Variants in STK3 observed in about 807,000 individuals in gnomAD.
STK3 encodes the protein serine/threonine-protein kinase 3.
In STK3, 41 loss-of-function variants were observed where a neutral mutation model predicts 58.0. The ratio of observed to expected loss-of-function variants is 0.71; its 90% confidence interval spans 0.55 to 0.92. STK3 has a LOEUF of 0.92. Among genes scored for constraint, STK3 ranks in the 40% least tolerant of loss-of-function variants. STK3 has a pLI of 0.00. For synonymous variants in STK3, 170 were observed against 191.0 expected (o/e 0.89, Z 0.91); for missense variants, 479 against 602.7 (o/e 0.79, Z 2.15).
chr8:98,417,700 A>T (rs555461950), intron 3 of STK3, among the ~76,000 whole-genome samples: 5 of 151,964 alleles, frequency 3.3e-5, no homozygotes, highest in African/African-American at 1.2e-4. Flanking sequence ...TGATTAACCT[A>T]GTTACTAGAC....
the STK3 span, among the ~76,000 whole-genome samples, chr8:98,351,500 T>C: frequency 5.3e-5 from 8 of 152,220 alleles, no homozygotes. Context: ...ATTCTAATTC[T>C]ATCATCCTCT....
intron 6 of STK3, among the ~76,000 whole-genome samples, chr8:98,648,630 A>T (rs966132416): frequency 6.6e-6 from 1 of 152,138 alleles, no homozygotes; most frequent in Non-Finnish European, 1.5e-5. Flanking sequence ...CAGTGGCTCA[A>T]GCCTGTAATC....
At chr8:98,632,867 G>A (rs1718602405) in intron 6 of STK3, among the ~76,000 whole-genome samples, 1 of 151,924 alleles carries the variant, frequency 6.6e-6, no homozygotes, top group Non-Finnish European at 1.5e-5. Context: ...TTCCTTCAAG[G>A]TTTATTAAAT....
At chr8:98,851,266 G>A (rs764821512) in intron 3 of STK3, among the ~76,000 whole-genome samples, 3 of 152,178 alleles carry the variant, frequency 2.0e-5, no homozygotes, top group Non-Finnish European at 4.4e-5. Context: ...GAGCTTAAGA[G>A]CATGTGTTTA....
At chr8:98,456,834 CT>C (rs1286602146) in intron 10 of STK3, among the ~76,000 whole-genome samples, 1 of 152,196 alleles carries the variant, frequency 6.6e-6, no homozygotes, top group African/African-American at 2.4e-5. Flanking sequence ...ATACTCATTA[CT>C]TATAGTCATC....
chr8:98,905,779 A>G (rs1838873591), intron 1 of STK3: 2 of 424,976 alleles, frequency 4.7e-6, no homozygotes, highest in Non-Finnish European at 8.7e-6. Flanking sequence ...AATTAAATTT[A>G]AAAGAGTTTA....
chr8:98,858,708 A>G (rs1476683491), intron 3 of STK3, among the ~76,000 whole-genome samples: 1 of 151,972 alleles, frequency 6.6e-6, no homozygotes, highest in African/African-American at 2.4e-5. Flanking sequence ...CCTGGCCAAC[A>G]TGGTGAAATC....
chr8:98,583,699 T>C (rs1814145391), intron 7 of STK3, among the ~76,000 whole-genome samples: 2 of 152,202 alleles, frequency 1.3e-5, no homozygotes, highest in South Asian at 4.1e-4. Context: ...CCAAGCAGAA[T>C]ATTCTGATAT....
chr8:98,738,955 G>A (rs182960513), intron 4 of STK3, among the ~76,000 whole-genome samples: 28 of 152,368 alleles, frequency 1.8e-4, no homozygotes, highest in African/African-American at 4.8e-4. Flanking sequence ...CACCTGGCTC[G>A]GAGGGTCCTA....
chr8:98,567,005 T>A (rs1031190313), intron 8 of STK3, among the ~76,000 whole-genome samples: 1 of 152,140 alleles, frequency 6.6e-6, no homozygotes, highest in African/African-American at 2.4e-5. Flanking sequence ...CCAGAAAGTT[T>A]CATGGGCCAA....
chr8:98,915,989 T>G (rs1039092010), intron 1 of STK3, among the ~76,000 whole-genome samples: 1 of 152,330 alleles, frequency 6.6e-6, no homozygotes, highest in South Asian at 2.1e-4. Context: ...CAACTTCTGC[T>G]GCAGATGCTA....
At chr8:98,839,410 G>C (rs1328088399) in intron 3 of STK3, among the ~76,000 whole-genome samples, 1 of 152,068 alleles carries the variant, frequency 6.6e-6, no homozygotes, top group African/African-American at 2.4e-5. Context: ...TCCTTCAGTG[G>C]GTGGGAGAAG....
At chr8:98,706,378 T>G in intron 6 of STK3, 89 bp downstream of exon 6, 1 of 1,294,670 alleles carries the variant, frequency 7.7e-7, no homozygotes, top group Non-Finnish European at 1.0e-6. Flanking sequence ...TTAAATGAAC[T>G]TATTTAGTTT....
At chr8:98,810,482 G>A (rs1238752278) in intron 1 of STK3, among the ~76,000 whole-genome samples, 5 of 151,776 alleles carry the variant, frequency 3.3e-5, no homozygotes, top group African/African-American at 9.7e-5. Flanking sequence ...ACTATGAGGT[G>A]GCATCTCATT....
At position 98,660,294 on chromosome 8, in the gene STK3, A is replaced by G. The variant is rs567233099; in HGVS notation, c.684+46173T>C. 4.6e-5 allele frequency among the ~76,000 whole-genome samples: 7 copies of G among 152,102 alleles called. No individual in the cohort carries two copies. In the South Asian group the frequency reaches 1.5e-3, roughly 32 times the overall value. ...GGAAGCAATGGGGAGTGGTTACTTA[A>G]TGGGTAAGAGTTGCAGTTGTGCTAG... On this transcript the variant is annotated intron_variant, in intron 6 of 10. Transcript: ENST00000419617.
chr8:98,649,056 CA>C (rs199732980), intron 6 of STK3, among the ~76,000 whole-genome samples: 1,267 of 89,174 alleles, frequency 0.014, 16 homozygotes, highest in African/African-American at 0.045. Context: ...GACTCTGTCT[CA>C]AAAAAAAAAA....
At chr8:98,650,542 C>A (rs917553950) in intron 6 of STK3, among the ~76,000 whole-genome samples, 8 of 152,210 alleles carry the variant, frequency 5.3e-5, no homozygotes, top group Admixed American at 4.6e-4. Flanking sequence ...AGAGGTATTG[C>A]CTCACTCGGG....
intron 9 of STK3, among the ~76,000 whole-genome samples, chr8:98,531,961 ATGT>A (rs1261258712): frequency 1.3e-5 from 2 of 152,236 alleles, no homozygotes; most frequent in Non-Finnish European, 2.9e-5. Flanking sequence ...GCTTAAGGAA[ATGT>A]TGTGACTGGT....
chr8:98,938,337 A>G lies in STK3; in HGVS notation c.-79+4041T>C, dbSNP rs763812846. 8.5e-5 allele frequency among the ~76,000 whole-genome samples: 13 copies of G among 152,294 alleles called. No individual in the cohort carries two copies. In the South Asian group the frequency reaches 1.2e-3, roughly 15 times the overall value. On this transcript the variant is annotated intron_variant, in intron 1 of 1. Transcript: ENST00000519420. ...GGAGAGAAGTTCAAGTGAAGGTCCTAGAGAGAAAGTGCAAAGTGAACAATC... is the reference window on the plus strand; with the variant it reads ...GGAGAGAAGTTCAAGTGAAGGTCCTGGAGAGAAAGTGCAAAGTGAACAATC...
Sources: allele counts gnomAD v4.1 joint callset (sites outside exome capture counted in the v4.1 genomes callset), GRCh38; gene constraint gnomAD v4.1.1; transcripts MANE v1.5; gene names NCBI Gene and HGNC (gene_info 2026-07-23, HGNC 2026-07-21).